Variants in MDFIC2 observed in about 807,000 individuals in gnomAD.
MDFIC2 encodes myoD family inhibitor domain-containing protein 2.
intron 2 of MDFIC2, among the ~76,000 whole-genome samples, chr3:70,270,411 CAT>C (rs1701965575): frequency 6.6e-6 from 1 of 152,152 alleles, no homozygotes; most frequent in Admixed American, 6.5e-5. Flanking sequence ...AGACCAAACA[CAT>C]ATAAATACAA....
At chr3:70,220,435 C>T (rs1701452271) in intron 2 of MDFIC2, among the ~76,000 whole-genome samples, 1 of 151,442 alleles carries the variant, frequency 6.6e-6, no homozygotes. Flanking sequence ...AAGACCTTAC[C>T]TCTTAAAAAA....
chr3:70,300,652 A>G (rs1342434635), intron 2 of MDFIC2, among the ~76,000 whole-genome samples: 1 of 152,080 alleles, frequency 6.6e-6, no homozygotes, highest in Non-Finnish European at 1.5e-5. Flanking sequence ...TCCCAGTTGT[A>G]TCTAGGGGAA....
intron 2 of MDFIC2, among the ~76,000 whole-genome samples, chr3:70,295,233 A>G (rs1702278022): frequency 6.6e-6 from 1 of 152,148 alleles, no homozygotes; most frequent in African/African-American, 2.4e-5. Context: ...AGAATGGAGG[A>G]TGGGGAAGCA....
At chr3:70,302,316 G>A (rs1241915735) in intron 2 of MDFIC2, among the ~76,000 whole-genome samples, 2 of 151,712 alleles carry the variant, frequency 1.3e-5, no homozygotes, top group Non-Finnish European at 2.9e-5. Flanking sequence ...TTTTATTAGC[G>A]AGTATATTCC....
At chr3:70,227,543 C>A (rs1701519652) in intron 2 of MDFIC2, among the ~76,000 whole-genome samples, 1 of 152,132 alleles carries the variant, frequency 6.6e-6, no homozygotes, top group African/African-American at 2.4e-5. Context: ...AGTGAGTGGG[C>A]TGAATGAAGG....
At chr3:70,300,334 TACA>T (rs1171487326) in intron 2 of MDFIC2, among the ~76,000 whole-genome samples, 4 of 152,124 alleles carry the variant, frequency 2.6e-5, no homozygotes, top group Non-Finnish European at 4.4e-5. Context: ...CACCTTCTCT[TACA>T]ACATTATACA....
intron 2 of MDFIC2, among the ~76,000 whole-genome samples, chr3:70,212,792 C>T (rs548019243): frequency 4.7e-5 from 7 of 148,698 alleles, no homozygotes; most frequent in Admixed American, 4.0e-4. Flanking sequence ...TTCCCATTTT[C>T]TCTCTCTTTT....
chr3:70,296,517 A>T (rs947895217), intron 2 of MDFIC2, among the ~76,000 whole-genome samples: 1 of 152,168 alleles, frequency 6.6e-6, no homozygotes, highest in Non-Finnish European at 1.5e-5. Flanking sequence ...ATTTAAAAAA[A>T]ATCATTTGGT....
chr3:70,304,998 G>T (rs571553651), intron 2 of MDFIC2, among the ~76,000 whole-genome samples: 1 of 152,008 alleles, frequency 6.6e-6, no homozygotes, highest in African/African-American at 2.4e-5. Context: ...GCTTTTCCCA[G>T]ATTTTTGCAG....
intron 2 of MDFIC2, among the ~76,000 whole-genome samples, chr3:70,232,404 A>G (rs1291417649): frequency 1.4e-5 from 2 of 145,060 alleles, no homozygotes; most frequent in African/African-American, 2.5e-5. Flanking sequence ...TGATGTTCCT[A>G]TTTTTTTTTT....
intron 2 of MDFIC2, among the ~76,000 whole-genome samples, chr3:70,301,372 G>A (rs6549333): frequency 6.6e-6 from 1 of 151,888 alleles, no homozygotes; most frequent in South Asian, 2.1e-4. Flanking sequence ...GTTTTTGCAT[G>A]TTCTATTATA....
At chr3:70,233,777 G>C (rs1487875112) in intron 2 of MDFIC2, among the ~76,000 whole-genome samples, 1 of 152,114 alleles carries the variant, frequency 6.6e-6, no homozygotes, top group African/African-American at 2.4e-5. Context: ...ATTTCACACA[G>C]CATAATTATT....
chr3:70,271,102 G>A lies in MDFIC2; in HGVS notation c.88+40784C>T, dbSNP rs559523482. On this transcript the variant is annotated intron_variant, in intron 2 of 3. Coordinates refer to ENST00000567252, the MANE Select transcript of MDFIC2 (RefSeq NM_001364677.1). ...ATCATAGGCCATTTATCGAAGCTGG[G>A]AAGTTGTATATACTAAATTGGTGCA... is the stretch of plus-strand genomic sequence containing the variant. Among the ~76,000 whole-genome samples, 3 of 152,268 alleles carry A rather than the reference G, an allele frequency of 2.0e-5. 1 individual carries two copies. The South Asian group carries it at 6.2e-4, about 32-fold the overall frequency.
At chr3:70,200,651 CTAAT>C (rs1189707283) in intron 3 of MDFIC2, among the ~76,000 whole-genome samples, 3 of 152,272 alleles carry the variant, frequency 2.0e-5, no homozygotes, top group Non-Finnish European at 2.9e-5. Context: ...TGGCATGAAA[CTAAT>C]TAGTTTGTTA....
rs139358925 is a variant in MDFIC2 at position 70,293,390 on chromosome 3, A to G, written c.88+18496T>C. ...TAGAAGTGGAATAACTAATTTGGGG[A>G]TGAGAGCCAAGGATACTTTGTAATA... On this transcript the variant is annotated intron_variant, in intron 2 of 3. Coordinates refer to ENST00000567252, the MANE Select transcript of MDFIC2 (RefSeq NM_001364677.1). Among the ~76,000 whole-genome samples, 145 of 152,284 alleles carry G rather than the reference A, an allele frequency of 9.5e-4. No individual in the cohort carries two copies. The East Asian group carries it at 0.025, about 26-fold the overall frequency.
At position 70,279,515 on chromosome 3, in the gene MDFIC2, A is replaced by T. The variant is rs530360514; in HGVS notation, c.88+32371T>A. Among the ~76,000 whole-genome samples the T allele has an allele frequency of 7.2e-5, 11 of 152,090 alleles. No homozygotes were observed. The South Asian group carries it at 2.3e-3, about 32-fold the overall frequency. On this transcript the variant is annotated intron_variant, in intron 2 of 3. Transcript: ENST00000567252. ...TTGTGCACTTTCTCAGTTCTCCTCC[A>T]CTACTTTCTTCTTGCCAAATGTGTC...
At chr3:70,297,803 G>A (rs1702304186) in intron 2 of MDFIC2, among the ~76,000 whole-genome samples, 1 of 151,996 alleles carries the variant, frequency 6.6e-6, no homozygotes, top group Non-Finnish European at 1.5e-5. Flanking sequence ...ACTAAAAAGT[G>A]TTATTATCAT....
At chr3:70,216,356 T>A (rs1701412528) in intron 2 of MDFIC2, among the ~76,000 whole-genome samples, 1 of 151,378 alleles carries the variant, frequency 6.6e-6, no homozygotes. Flanking sequence ...GCTTCCTAGA[T>A]GTCATTCATT....
intron 2 of MDFIC2, chr3:70,271,762 T>A (rs1043084752): frequency 6.6e-5 from 10 of 152,126 alleles, no homozygotes; most frequent in East Asian, 1.9e-4. Context: ...CACACTTATT[T>A]TTTATTTATT....
Sources: gnomAD v4.1 joint callset for allele counts (sites outside exome capture counted in the v4.1 genomes callset) on GRCh38, gnomAD v4.1.1 for gene constraint, MANE v1.5 for transcripts, NCBI Gene and HGNC (gene_info 2026-07-23, HGNC 2026-07-21) for gene names.